The following MAP4K5 variants were observed in gnomAD, a reference collection of about 807,000 sequenced individuals.
The protein encoded by MAP4K5 is mitogen-activated protein kinase kinase kinase kinase 5.
Under a neutral mutation model 135.6 loss-of-function variants are expected in MAP4K5, and 82 were observed. The ratio of observed to expected loss-of-function variants is 0.60; its 90% CI spans 0.51 to 0.73. The LOEUF (loss-of-function observed/expected upper bound fraction) is 0.73. Ranked by LOEUF, MAP4K5 falls within the 30% of genes least tolerant of loss-of-function variation. The pLI is 0.00. For synonymous variants in MAP4K5, 347 were observed against 335.0 expected (o/e 1.04, Z -0.39); for missense variants, 907 against 1,010.9 (o/e 0.90, Z 1.39).
upstream of MAP4K5, chr14:50,532,889 G>A (rs2038435941): frequency 6.6e-6 from 1 of 152,334 alleles, no homozygotes; most frequent in Middle Eastern, 3.4e-3. Context: ...CCTGTAGGGT[G>A]ACGGGTAGAG....
intron 3 of MAP4K5, among the ~76,000 whole-genome samples, chr14:50,493,985 C>T (rs561590171): frequency 2.7e-5 from 4 of 146,492 alleles, no homozygotes; most frequent in Non-Finnish European, 6.0e-5. Context: ...GAGAATCCAT[C>T]GCAAAAAAAA....
intron 2 of MAP4K5, among the ~76,000 whole-genome samples, chr14:50,524,501 C>T (rs2038218327): frequency 6.6e-6 from 1 of 151,726 alleles, no homozygotes; most frequent in African/African-American, 2.4e-5. Context: ...ACCAGGAAGA[C>T]AAGCAAAAAT....
intron 15 of MAP4K5, 60 bp downstream of exon 15, chr14:50,448,714 C>CAA: frequency 2.0e-6 from 2 of 995,072 alleles, no homozygotes; most frequent in East Asian, 2.7e-5. Flanking sequence ...GTACAACTAA[C>CAA]AAAAAAAAAG....
intron 14 of MAP4K5, among the ~76,000 whole-genome samples, chr14:50,453,703 T>G (rs962214662): frequency 6.6e-6 from 1 of 152,138 alleles, no homozygotes; most frequent in Admixed American, 6.6e-5. Flanking sequence ...CGGGTTTACT[T>G]TAACAGCGGA....
chr14:50,477,751 G>T (rs1323436344), intron 6 of MAP4K5, among the ~76,000 whole-genome samples: 11 of 152,040 alleles, frequency 7.2e-5, no homozygotes, highest in Non-Finnish European at 1.2e-4. Flanking sequence ...TTCTTTTTTA[G>T]TTGTTAAGAT....
intron 3 of MAP4K5, among the ~76,000 whole-genome samples, chr14:50,496,727 C>T (rs900651090): frequency 3.9e-5 from 6 of 151,936 alleles, no homozygotes. Context: ...CCAGGCTGGT[C>T]TTGAACTCCT....
At chr14:50,476,962 C>A (rs981568204) in intron 6 of MAP4K5, among the ~76,000 whole-genome samples, 3 of 152,120 alleles carry the variant, frequency 2.0e-5, no homozygotes, top group African/African-American at 7.2e-5. Flanking sequence ...TCTGACTATT[C>A]TAGGTGTTTT....
At chr14:50,422,080 C>T (rs1242262357) in intron 32 of MAP4K5, among the ~76,000 whole-genome samples, 1 of 151,912 alleles carries the variant, frequency 6.6e-6, no homozygotes, top group African/African-American at 2.4e-5. Flanking sequence ...TTAGTAGAGA[C>T]AGCTGATTCA....
chr14:50,548,206 C>A (rs2038658605), intron 1 of MAP4K5, among the ~76,000 whole-genome samples: 1 of 152,162 alleles, frequency 6.6e-6, no homozygotes, highest in South Asian at 2.1e-4. Flanking sequence ...GTTCCCCAGA[C>A]AGTAAAGCAA....
At chr14:50,523,726 C>A (rs574697259) in intron 2 of MAP4K5, among the ~76,000 whole-genome samples, 53 of 152,284 alleles carry the variant, frequency 3.5e-4, no homozygotes, top group Non-Finnish European at 5.7e-4. Context: ...TCTCTCCCCC[C>A]ACTAAAATTT....
chr14:50,532,102 G>T lies in MAP4K5; in HGVS notation c.-53C>A. On this transcript the variant is annotated 5_prime_UTR_variant, in exon 2 of 33. Coordinates refer to ENST00000682126, the MANE Select transcript of MAP4K5 (RefSeq NM_006575.6). ...CTCACCCCGCGGCTCCCGGATTCCC[G>T]CTAACAAGCACGAACGGCGCCGCTT... is the stretch of plus-strand genomic sequence containing the variant. 8.6e-7 allele frequency: 1 copy of T among 1,163,486 alleles called. No homozygotes were observed. Among genetic ancestry groups the T allele is most frequent in the Non-Finnish European group, 1.2e-6 (1 of 812,398 alleles). 72.1% of individuals were successfully genotyped at this position (1,163,486 alleles called of 1,614,324 possible).
chr14:50,515,570 TC>T (rs1418073073), intron 2 of MAP4K5, among the ~76,000 whole-genome samples: 1 of 152,076 alleles, frequency 6.6e-6, no homozygotes, highest in African/African-American at 2.4e-5. Context: ...TATCCACTAA[TC>T]CCACACTGGC....
intron 2 of MAP4K5, among the ~76,000 whole-genome samples, chr14:50,521,941 T>C (rs2038161522): frequency 6.6e-6 from 1 of 152,194 alleles, no homozygotes; most frequent in South Asian, 2.1e-4. Context: ...TGAATTCATT[T>C]ATCTTAGTCA....
In MAP4K5 at chr14:50,419,691, A is replaced by T. The variant is rs927994640; in HGVS notation, c.*328T>A. 1 of 224,136 alleles carries T rather than the reference A, an allele frequency of 4.5e-6. No individual in the cohort carries two copies. The highest frequency in any genetic ancestry group is 2.2e-5 in the African/African-American group (1 of 44,740). 13.9% of individuals were successfully genotyped at this position (224,136 alleles called of 1,614,324 possible). ...GATCACTAAATTTACCTCTCTTAAG[A>T]TAATCACGAGTTATCTAAAAATACC... On this transcript the variant is annotated 3_prime_UTR_variant, in exon 33 of 33. Transcript: ENST00000682126.
At chr14:50,536,283 A>G (rs560821522), upstream of MAP4K5, among the ~76,000 whole-genome samples, 1 of 152,246 alleles carries the variant, frequency 6.6e-6, no homozygotes, top group Non-Finnish European at 1.5e-5. Flanking sequence ...CTAAAACTAC[A>G]AAATTAGCCA....
At chr14:50,546,360 TACTG>T (rs1000503809) in intron 1 of MAP4K5, among the ~76,000 whole-genome samples, 1 of 152,054 alleles carries the variant, frequency 6.6e-6, no homozygotes, top group African/African-American at 2.4e-5. Flanking sequence ...AAGTAAAAGG[TACTG>T]GGTGTGTGTG....
At chr14:50,522,116 T>G (rs1043845534) in intron 2 of MAP4K5, among the ~76,000 whole-genome samples, 24 of 152,198 alleles carry the variant, frequency 1.6e-4, no homozygotes, top group African/African-American at 5.8e-4. Flanking sequence ...TAAGTCAATC[T>G]GTATTCTATC....
chr14:50,532,107 C>A lies in MAP4K5; in HGVS notation c.-58G>T. 9.3e-7 allele frequency: 1 copy of A among 1,077,506 alleles called. No individual in the cohort carries two copies. Among genetic ancestry groups the A allele is most frequent in the South Asian group, 1.4e-5 (1 of 72,010 alleles). 66.7% of individuals were successfully genotyped at this position (1,077,506 alleles called of 1,614,324 possible). On this transcript the variant is annotated 5_prime_UTR_variant, in exon 2 of 33. Transcript: ENST00000682126. ...CCCGCGGCTCCCGGATTCCCGCTAA[C>A]AAGCACGAACGGCGCCGCTTCCCAA...
chr14:50,483,112 G>C (rs2037286841), intron 5 of MAP4K5: 1 of 152,112 alleles, frequency 6.6e-6, no homozygotes. Flanking sequence ...GAATCATAAA[G>C]AGATTGACTA....
Sources: allele counts gnomAD v4.1 joint callset (sites outside exome capture counted in the v4.1 genomes callset), GRCh38; gene constraint gnomAD v4.1.1; transcripts MANE v1.5; gene names NCBI Gene and HGNC (gene_info 2026-07-23, HGNC 2026-07-21).